The following UNC5C variants were observed in gnomAD, a reference collection of about 807,000 sequenced individuals.
The protein encoded by UNC5C is netrin receptor UNC5C.
A neutral mutation model predicts 99.8 loss-of-function variants in UNC5C; 47 were observed. That is an observed-to-expected ratio of 0.47 (90% CI 0.37 to 0.60). The LOEUF is 0.60. UNC5C is among the 20% of genes least tolerant of loss of function. The probability of loss-of-function intolerance (pLI) is 0.00; values close to 1 mark genes in which losing one functional copy is unlikely to be tolerated. For missense variants in UNC5C, 1,062 were observed against 1,165.9 expected (o/e 0.91, Z 1.30); for synonymous variants, 487 against 452.2 (o/e 1.08, Z -0.98).
Position 95,371,707 on chromosome 4 carries a change from C to T in UNC5C, c.125-36076G>A, listed in dbSNP as rs374308122. On this transcript the variant is annotated intron_variant, in intron 1 of 15. Coordinates refer to ENST00000453304, the MANE Select transcript of UNC5C (RefSeq NM_003728.4). ...CAAAGCACTGGAAACACCAGGGCTA[C>T]GTAAGTGTTTGTTCAATAAATAGTT... Among the ~76,000 whole-genome samples, 56 of 152,202 alleles carry T rather than the reference C, an allele frequency of 3.7e-4. No homozygotes were observed. The Middle Eastern group carries it at 0.01, about 28-fold the overall frequency.
intron 1 of UNC5C, among the ~76,000 whole-genome samples, chr4:95,360,019 C>G (rs1442491470): frequency 6.6e-6 from 1 of 151,986 alleles, no homozygotes; most frequent in Non-Finnish European, 1.5e-5. Context: ...GCAAACATTC[C>G]CTTTTTGCTT....
At chr4:95,452,180 T>G (rs1025504866) in intron 1 of UNC5C, among the ~76,000 whole-genome samples, 15 of 152,198 alleles carry the variant, frequency 9.9e-5, no homozygotes, top group African/African-American at 3.6e-4. Context: ...TGAAAAGTAC[T>G]CGTTAACAAG....
At chr4:95,539,272 TCTC>T (rs1368324853) in intron 1 of UNC5C, among the ~76,000 whole-genome samples, 1 of 152,132 alleles carries the variant, frequency 6.6e-6, no homozygotes, top group Non-Finnish European at 1.5e-5. Flanking sequence ...CAACAGCAGT[TCTC>T]CTCCACGGCT....
At chr4:95,422,234 T>C (rs1419274418) in intron 1 of UNC5C, among the ~76,000 whole-genome samples, 3 of 152,220 alleles carry the variant, frequency 2.0e-5, no homozygotes, top group Non-Finnish European at 4.4e-5. Context: ...GTTCATCTTC[T>C]TGGCATGTTA....
chr4:95,377,938 T>C (rs1359257677), intron 1 of UNC5C, among the ~76,000 whole-genome samples: 2 of 152,192 alleles, frequency 1.3e-5, no homozygotes, highest in Non-Finnish European at 2.9e-5. Context: ...TTGCTTTAAA[T>C]ATACAGCAAG....
intron 1 of UNC5C, among the ~76,000 whole-genome samples, chr4:95,537,722 C>T (rs1722817697): frequency 6.6e-6 from 1 of 152,140 alleles, no homozygotes; most frequent in Non-Finnish European, 1.5e-5. Context: ...AATAATGCAT[C>T]ATACTACTTT....
intron 1 of UNC5C, among the ~76,000 whole-genome samples, chr4:95,519,626 C>A (rs1360258537): frequency 6.6e-6 from 1 of 152,004 alleles, no homozygotes; most frequent in Non-Finnish European, 1.5e-5. Flanking sequence ...TTCAACTTAC[C>A]TGCTTAACTG....
chr4:95,258,300 T>G (rs1164626972), intron 4 of UNC5C, among the ~76,000 whole-genome samples: 1 of 152,220 alleles, frequency 6.6e-6, no homozygotes, highest in Non-Finnish European at 1.5e-5. Context: ...TGTTCATATT[T>G]TGGTCATTTC....
rs1191753759 is a variant in UNC5C, at chr4:95,162,834, T to C, written c.*6400A>G. 1 of 152,196 alleles carries C rather than the reference T, an allele frequency of 6.6e-6. No individual in the cohort carries two copies. Among genetic ancestry groups the C allele is most frequent in the East Asian group, 1.9e-4 (1 of 5,192 alleles). The allele number at this position is 152,196 out of a possible 1,614,324, so 9.4% of individuals were successfully genotyped here. ...CGGAAAAGCCAAGGTTGTCATGTTTTGTTTAAAAAAGAAAAACGACAAAGC... is the reference window on the plus strand; with the variant it reads ...CGGAAAAGCCAAGGTTGTCATGTTTCGTTTAAAAAAGAAAAACGACAAAGC... On this transcript the variant is annotated 3_prime_UTR_variant, in exon 16 of 16. Transcript: ENST00000453304.
At chr4:95,432,793 G>A (rs1263627182) in intron 1 of UNC5C, among the ~76,000 whole-genome samples, 3 of 152,048 alleles carry the variant, frequency 2.0e-5, no homozygotes, top group African/African-American at 7.2e-5. Flanking sequence ...CAAGCACAAG[G>A]CTTCTAACAT....
At position 95,170,341 on chromosome 4, in the gene UNC5C, C is replaced by T. The variant is rs187612079; in HGVS notation, c.2452-9G>A. ...TCGATGCCAGTAGGTTCCTGTAGTTCAGGGACAGGAACAACACAGCATTAT... is the reference window on the plus strand; with the variant it reads ...TCGATGCCAGTAGGTTCCTGTAGTTTAGGGACAGGAACAACACAGCATTAT... On this transcript the variant is annotated splice_polypyrimidine_tract_variant and intron_variant, in intron 14 of 15. Transcript: ENST00000453304. 1 of 1,613,266 alleles carries T rather than the reference C, an allele frequency of 6.2e-7. No homozygotes were observed. The highest frequency in any genetic ancestry group is 1.3e-5 in the African/African-American group (1 of 75,050).
At chr4:95,415,914 GT>G (rs201554837) in intron 1 of UNC5C, among the ~76,000 whole-genome samples, 4,640 of 147,162 alleles carry the variant, frequency 0.032, 121 homozygotes, top group African/African-American at 0.066. Context: ...TAAAATTGTT[GT>G]TTTTTTTTTC....
chr4:95,225,982 G>A (rs1738671285), intron 7 of UNC5C, among the ~76,000 whole-genome samples: 1 of 152,190 alleles, frequency 6.6e-6, no homozygotes, highest in Admixed American at 6.5e-5. Context: ...TCTGGAGTTT[G>A]TTTTTATGCT....
intron 12 of UNC5C, among the ~76,000 whole-genome samples, chr4:95,197,027 A>T (rs188257884): frequency 5.7e-5 from 2 of 34,856 alleles, no homozygotes; most frequent in South Asian, 8.5e-4. Context: ...TATATAATAT[A>T]TATTTATATA....
At chr4:95,233,777 A>T (rs981758319) in intron 7 of UNC5C, among the ~76,000 whole-genome samples, 2 of 152,192 alleles carry the variant, frequency 1.3e-5, no homozygotes, top group Non-Finnish European at 2.9e-5. Context: ...TCTATTAAAA[A>T]TACAAAAATT....
chr4:95,368,740 A>T (rs1579363018), intron 1 of UNC5C, among the ~76,000 whole-genome samples: 1 of 152,330 alleles, frequency 6.6e-6, no homozygotes, highest in East Asian at 1.9e-4. Context: ...TCATCACTTT[A>T]AAAAAGTAAA....
chr4:95,523,476 T>A (rs1722412129), intron 1 of UNC5C, among the ~76,000 whole-genome samples: 1 of 152,072 alleles, frequency 6.6e-6, no homozygotes, highest in African/African-American at 2.4e-5. Flanking sequence ...CTAGGATAGA[T>A]GAAAAGTTAT....
At chr4:95,353,945 G>T (rs540449914) in intron 1 of UNC5C, among the ~76,000 whole-genome samples, 2 of 152,146 alleles carry the variant, frequency 1.3e-5, no homozygotes, top group Admixed American at 1.3e-4. Context: ...CACATGAAAA[G>T]TACAGAAGTC....
intron 1 of UNC5C, among the ~76,000 whole-genome samples, chr4:95,548,348 C>A (rs927746700): frequency 2.0e-5 from 3 of 152,120 alleles, no homozygotes; most frequent in Middle Eastern, 3.4e-3. Context: ...GGTGCATCTA[C>A]GGTATGTCAC....
Sources: gnomAD v4.1 joint callset for allele counts (sites outside exome capture counted in the v4.1 genomes callset) on GRCh38, gnomAD v4.1.1 for gene constraint, MANE v1.5 for transcripts, NCBI Gene and HGNC (gene_info 2026-07-23, HGNC 2026-07-21) for gene names.